HELLS: variants seen among roughly 807,000 people sequenced by gnomAD.
The protein encoded by HELLS is helicase, lymphoid specific, also known as lymphoid-specific helicase.
Under a neutral mutation model 120.0 loss-of-function variants are expected in HELLS, and 32 were observed. That is an observed-to-expected ratio of 0.27 (90% CI 0.20 to 0.36). The LOEUF (loss-of-function observed/expected upper bound fraction) is 0.36, where lower values mean the gene tolerates loss of function less well. Ranked by LOEUF, HELLS falls within the 10% of genes least tolerant of loss-of-function variation. The probability of loss-of-function intolerance (pLI) is 1.00; values close to 1 mark genes in which losing one functional copy is unlikely to be tolerated. For missense variants in HELLS, 650 were observed against 993.4 expected (o/e 0.65, Z 4.65); for synonymous variants, 341 against 323.4 (o/e 1.05, Z -0.58).
chr10:94,546,384 G>A lies in HELLS; in HGVS notation c.39G>A (p.Glu13=), dbSNP rs748594765. 1.9e-6 allele frequency: 3 copies of A among 1,614,146 alleles called. No homozygotes were observed. The highest frequency in any genetic ancestry group is 1.1e-5 in the South Asian group (1 of 91,084). ...AGCTTTCTCCCCCGTCAGGCTCGGA[G>A]GCTCCAGCAATGGTTGAACAACTGG... ...AERPAGSGGS[E]APAMVEQLDT... Residue 13 remains glutamate (E), a synonymous_variant, in exon 2 of 22, where the codon GAG becomes GAA. Coordinates refer to ENST00000348459, the MANE Select transcript of HELLS (RefSeq NM_018063.5).
intron 8 of HELLS, 100 bp downstream of exon 8, chr10:94,574,287 C>T (rs1844327637): frequency 2.5e-6 from 2 of 807,824 alleles, no homozygotes; most frequent in East Asian, 2.5e-5. Context: ...TCATGTTTCA[C>T]TATTATACAT....
chr10:94,554,027 A>G, intron 2 of HELLS, 99 bp from the exon 3 acceptor site: 1 of 1,153,930 alleles, frequency 8.7e-7, no homozygotes, highest in Non-Finnish European at 1.2e-6. Context: ...TGTTTGGTTT[A>G]AAAAATGTTA....
chr10:94,550,628 G>T (rs1842938598), intron 2 of HELLS, among the ~76,000 whole-genome samples: 1 of 152,044 alleles, frequency 6.6e-6, no homozygotes, highest in Non-Finnish European at 1.5e-5. Flanking sequence ...GGTGGCTCAT[G>T]CCTGTAATCC....
At chr10:94,577,741 C>A (rs903079687) in intron 10 of HELLS, 2 of 152,310 alleles carry the variant, frequency 1.3e-5, no homozygotes, top group Admixed American at 6.5e-5. Flanking sequence ...GCCTGGCCAA[C>A]ATGACGAAAC....
At chr10:94,551,356 G>A (rs548262484) in intron 2 of HELLS, among the ~76,000 whole-genome samples, 147 of 152,070 alleles carry the variant, frequency 9.7e-4, no homozygotes, top group African/African-American at 3.3e-3. Context: ...GGACCACGAG[G>A]TCAGTTCAAG....
chr10:94,579,723 T>C (rs540395379), intron 10 of HELLS, among the ~76,000 whole-genome samples: 1 of 152,036 alleles, frequency 6.6e-6, no homozygotes. Flanking sequence ...TGTATTTTTT[T>C]GTAGGAACAG....
rs768508211 is a variant in HELLS, at chr10:94,590,570, A to T, written c.1628+18A>T. The T allele has an allele frequency of 1.9e-6, 3 of 1,610,708 alleles. No individual in the cohort carries two copies. The African/African-American group carries it at 4.0e-5, about 22-fold the overall frequency. Reference sequence around the variant, plus strand: ...CGAGAAAGGTTTGAATTCAAAAGTGAATTTAAGTATTCTTTAAACTGTGAC... The same window carrying T: ...CGAGAAAGGTTTGAATTCAAAAGTGTATTTAAGTATTCTTTAAACTGTGAC... On this transcript the variant is annotated intron_variant, in intron 14 of 21. Transcript: ENST00000348459.
At chr10:94,610,388 T>G (rs551297700) in exon 10 of HELLS, 1 of 151,484 alleles carries the variant, frequency 6.6e-6, no homozygotes, top group East Asian at 1.9e-4. Context: ...CGAGATCGCG[T>G]CACTGCACTC....
At chr10:94,562,287 C>T (rs2134018099) in intron 4 of HELLS, among the ~76,000 whole-genome samples, 1 of 152,144 alleles carries the variant, frequency 6.6e-6, no homozygotes, top group South Asian at 2.1e-4. Flanking sequence ...CCTGTAATCC[C>T]CACTACTCTG....
chr10:94,584,356 A>G (rs1845019049), intron 12 of HELLS, among the ~76,000 whole-genome samples: 1 of 151,992 alleles, frequency 6.6e-6, no homozygotes, highest in Non-Finnish European at 1.5e-5. Flanking sequence ...GTGTGTGTTC[A>G]TGTGCACAAG....
chr10:94,588,419 TG>T, intron 13 of HELLS, 29 bp downstream of exon 13: 2 of 1,478,116 alleles, frequency 1.4e-6, no homozygotes, highest in South Asian at 2.7e-5. Context: ...GTACTGTAAA[TG>T]AAACTTGACA....
intron 10 of HELLS, among the ~76,000 whole-genome samples, chr10:94,579,437 G>A (rs935498234): frequency 1.3e-5 from 2 of 151,452 alleles, no homozygotes; most frequent in Non-Finnish European, 2.9e-5. Context: ...TCCTGCCCTC[G>A]TGATCCGCCC....
rs560475833 is a variant in HELLS, at chr10:94,570,908, A to G, written c.436-480A>G. 3.9e-5 allele frequency: 6 copies of G among 152,382 alleles called. No individual in the cohort carries two copies. In the East Asian group the frequency reaches 9.7e-4, roughly 25 times the overall value. 9.4% of individuals were successfully genotyped at this position (152,382 alleles called of 1,614,324 possible). The stretch of plus-strand genomic sequence containing the variant: ...TAGCTTTTGAGTAGTTTTGTGGGCA[A>G]CTACTCAACCCTGTACTCTGCTGTT... On this transcript the variant is annotated intron_variant, in intron 6 of 21. Transcript: ENST00000348459.
At chr10:94,588,448 TTCCCTTTTTTTTTGAGAGAAGGTGTCGC>T in intron 13 of HELLS, 58 bp downstream of exon 13, 1 of 1,335,838 alleles carries the variant, frequency 7.5e-7, no homozygotes. Flanking sequence ...TTTCTCTTTT[TTCCCTTTTTTTTTGAGAGAAGGTGTCGC>T]TCTGTCACCC....
At chr10:94,549,989 C>G (rs912778883) in intron 2 of HELLS, among the ~76,000 whole-genome samples, 1 of 152,102 alleles carries the variant, frequency 6.6e-6, no homozygotes, top group Non-Finnish European at 1.5e-5. Flanking sequence ...GGCGCAGTCT[C>G]GGCTCACTGC....
At position 94,546,236 on chromosome 10, in the gene HELLS, C is replaced by G. The variant is rs550670038; in HGVS notation, c.32-141C>G. The G allele has an allele frequency of 2.5e-5, 25 of 990,430 alleles. No individual in the cohort carries two copies. In the Admixed American group the frequency reaches 3.4e-4, roughly 13 times the overall value. The allele number at this position is 990,430 out of a possible 1,614,324, so 61.4% of individuals were successfully genotyped here. The stretch of plus-strand genomic sequence containing the variant: ...ACATTGTGAAGACTTACGGTGTCTT[C>G]TGAGAGGTGATGCTGGCGTCCCCTC... On this transcript the variant is annotated intron_variant, in intron 1 of 21. Transcript: ENST00000348459.
intron 12 of HELLS, among the ~76,000 whole-genome samples, chr10:94,586,372 T>C (rs1348130725): frequency 2.6e-5 from 4 of 152,192 alleles, no homozygotes; most frequent in African/African-American, 9.6e-5. Context: ...CCGCCTGCCT[T>C]GGCCTCCCAA....
chr10:94,605,878 C>T (rs372072160), downstream of HELLS, among the ~76,000 whole-genome samples: 3 of 151,978 alleles, frequency 2.0e-5, no homozygotes, highest in Non-Finnish European at 4.4e-5. Context: ...CAATTCCCCC[C>T]GGCTTGGCCT....
chr10:94,554,325 C>G, intron 3 of HELLS, 77 bp downstream of exon 3: 2 of 1,043,188 alleles, frequency 1.9e-6, no homozygotes, highest in East Asian at 5.8e-5. Flanking sequence ...ATATTATATA[C>G]AGTAAAATGG....
Sources: gnomAD v4.1 joint callset for allele counts (sites outside exome capture counted in the v4.1 genomes callset) on GRCh38, gnomAD v4.1.1 for gene constraint, MANE v1.5 for transcripts, NCBI Gene and HGNC (gene_info 2026-07-23, HGNC 2026-07-21) for gene names.